The following ASTN2 variants were observed in gnomAD, a reference collection of about 807,000 sequenced individuals.
ASTN2 encodes astrotactin 2.
ASTN2 carries 54 observed loss-of-function variants against 139.8 expected under a neutral mutation model. That is an observed-to-expected ratio of 0.39 (90% CI 0.31 to 0.48). The LOEUF is 0.48. Ranked by LOEUF, ASTN2 falls within the 20% of genes least tolerant of loss-of-function variation. The pLI, the probability that ASTN2 is intolerant of heterozygous loss-of-function variation, is 0.95. For synonymous variants in ASTN2, 756 were observed against 719.5 expected, an observed-to-expected ratio of 1.05 and a Z score of -0.81; for missense variants, 1,565 against 1,725.1, an observed-to-expected ratio of 0.91 and a Z score of 1.64.
chr9:117,050,669 G>T (rs2132667211), intron 5 of ASTN2, among the ~76,000 whole-genome samples: 1 of 152,260 alleles, frequency 6.6e-6, no homozygotes. Context: ...GATACTCAAA[G>T]TTCTTTAAAA....
At chr9:117,197,964 G>A (rs1271265487) in intron 3 of ASTN2, among the ~76,000 whole-genome samples, 1 of 151,128 alleles carries the variant, frequency 6.6e-6, no homozygotes, top group African/African-American at 2.4e-5. Context: ...TGAAGGTAAT[G>A]TATCTTTTTC....
intron 16 of ASTN2, among the ~76,000 whole-genome samples, chr9:116,722,475 G>C (rs1012040633): frequency 6.6e-6 from 1 of 152,098 alleles, no homozygotes; most frequent in East Asian, 1.9e-4. Flanking sequence ...AAGTGGCCAG[G>C]GTCCCATCAT....
At chr9:117,169,592 G>A (rs1476854281) in intron 3 of ASTN2, among the ~76,000 whole-genome samples, 1 of 152,036 alleles carries the variant, frequency 6.6e-6, no homozygotes, top group Non-Finnish European at 1.5e-5. Context: ...AGGATGATGC[G>A]GCAGAAGGAA....
chr9:116,834,193 C>T (rs1430322450), intron 11 of ASTN2, among the ~76,000 whole-genome samples: 1 of 152,100 alleles, frequency 6.6e-6, no homozygotes, highest in Non-Finnish European at 1.5e-5. Context: ...TTTGCTGAGG[C>T]TTTTTTTATG....
intron 19 of ASTN2, among the ~76,000 whole-genome samples, chr9:116,549,901 T>C (rs1187334754): frequency 6.6e-6 from 1 of 152,076 alleles, no homozygotes; most frequent in Non-Finnish European, 1.5e-5. Flanking sequence ...TTAAAAGTAA[T>C]GGCAAAAACC....
chr9:116,439,387 A>ATTGTCTT (rs1847770709), intron 22 of ASTN2, among the ~76,000 whole-genome samples: 2 of 140,850 alleles, frequency 1.4e-5, no homozygotes, highest in South Asian at 3.1e-4. Context: ...TTTTTAGTAG[A>ATTGTCTT]GACGGGGTTT....
At chr9:116,727,229 C>T (rs9299241) in intron 15 of ASTN2, among the ~76,000 whole-genome samples, 141,625 of 152,144 alleles carry the variant, frequency 0.93, 66,781 homozygotes, top group East Asian at 1. Context: ...TCTCTATATC[C>T]GCACATGCAT....
At chr9:116,547,078 G>A (rs1852128678) in intron 19 of ASTN2, among the ~76,000 whole-genome samples, 1 of 152,144 alleles carries the variant, frequency 6.6e-6, no homozygotes, top group South Asian at 2.1e-4. Flanking sequence ...TTTATAAACA[G>A]GTTCTTATTT....
chr9:116,965,397 A>T lies in ASTN2; in HGVS notation c.1889+9811T>A, dbSNP rs145018437. 8.7e-4 allele frequency among the ~76,000 whole-genome samples: 132 copies of T among 152,266 alleles called. 1 individual carries two copies. Among genetic ancestry groups the T allele is most frequent in the African/African-American group, 3.2e-3 (131 of 41,550 alleles). On this transcript the variant is annotated intron_variant, in intron 10 of 22. Coordinates refer to ENST00000313400, the MANE Select transcript of ASTN2 (RefSeq NM_001365068.1). ...GATAAGCCAGGGTTGGACTCCTAAC[A>T]TGTGACAGACTTCTCTAGGATTTTT...
At chr9:116,788,150 A>T (rs1830427449) in intron 13 of ASTN2, among the ~76,000 whole-genome samples, 1 of 152,152 alleles carries the variant, frequency 6.6e-6, no homozygotes, top group Non-Finnish European at 1.5e-5. Flanking sequence ...TGGTTATCAG[A>T]GGCAGGGGGT....
chr9:116,801,922 T>C (rs1006701457), intron 13 of ASTN2, among the ~76,000 whole-genome samples: 4 of 152,050 alleles, frequency 2.6e-5, no homozygotes, highest in African/African-American at 4.8e-5. Context: ...TCAGGGCACT[T>C]AGGCTCTGGC....
chr9:116,504,570 A>C (rs1321156676), intron 19 of ASTN2, among the ~76,000 whole-genome samples: 1 of 152,172 alleles, frequency 6.6e-6, no homozygotes, highest in Non-Finnish European at 1.5e-5. Flanking sequence ...TTTCTATCTT[A>C]CACTCTCAAG....
chr9:117,020,815 TTGAATGAA>T (rs924051218), intron 6 of ASTN2, among the ~76,000 whole-genome samples: 1 of 152,102 alleles, frequency 6.6e-6, no homozygotes, highest in Non-Finnish European at 1.5e-5. Flanking sequence ...GTAAAGCATT[TTGAATGAA>T]TGAATGAATG....
intron 19 of ASTN2, among the ~76,000 whole-genome samples, chr9:116,490,085 G>T (rs1057037878): frequency 6.6e-6 from 1 of 151,836 alleles, no homozygotes; most frequent in Non-Finnish European, 1.5e-5. Flanking sequence ...AAACAAAGAT[G>T]CCTAGAACCA....
intron 19 of ASTN2, among the ~76,000 whole-genome samples, chr9:116,615,230 T>A (rs1855777661): frequency 6.6e-6 from 1 of 152,074 alleles, no homozygotes; most frequent in South Asian, 2.1e-4. Context: ...AAACAACAGG[T>A]GCTGGAGAGG....
chr9:116,603,402 A>G (rs1349792907), intron 19 of ASTN2, among the ~76,000 whole-genome samples: 1 of 152,208 alleles, frequency 6.6e-6, no homozygotes, highest in Non-Finnish European at 1.5e-5. Context: ...GACAAAGTCT[A>G]CAGTGTGGCC....
At chr9:116,677,379 TCAAA>T (rs1429270200) in intron 16 of ASTN2, among the ~76,000 whole-genome samples, 24 of 152,170 alleles carry the variant, frequency 1.6e-4, no homozygotes, top group Non-Finnish European at 7.3e-5. Flanking sequence ...CCTCTCAAAA[TCAAA>T]CACTCTGTTC....
intron 6 of ASTN2, among the ~76,000 whole-genome samples, chr9:117,031,699 G>A (rs1838250807): frequency 6.6e-6 from 1 of 152,140 alleles, no homozygotes; most frequent in African/African-American, 2.4e-5. Flanking sequence ...AACTAGAGAT[G>A]TGGGAAGAAG....
intron 3 of ASTN2, among the ~76,000 whole-genome samples, chr9:117,159,413 C>T (rs1017243913): frequency 3.3e-5 from 5 of 151,962 alleles, no homozygotes; most frequent in African/African-American, 1.2e-4. Context: ...CTGAGGAAGG[C>T]GGATGAAGGT....
Sources: allele counts gnomAD v4.1 joint callset (sites outside exome capture counted in the v4.1 genomes callset), GRCh38; gene constraint gnomAD v4.1.1; transcripts MANE v1.5; gene names NCBI Gene and HGNC (gene_info 2026-07-23, HGNC 2026-07-21).